The following CA10 variants were observed in gnomAD, a reference collection of about 807,000 sequenced individuals.
CA10 encodes the protein carbonic anhydrase-related protein 10.
Under a neutral mutation model 44.2 loss-of-function variants are expected in CA10, and 14 were observed. The observed-to-expected ratio is 0.32, with a 90% CI of 0.21 to 0.50. The LOEUF is 0.50. CA10 is among the 20% of genes least tolerant of loss of function. CA10 has a pLI of 0.99. For synonymous variants in CA10, 159 were observed against 141.6 expected, an observed-to-expected ratio of 1.12 and a Z score of -0.87; for missense variants, 350 against 409.7, an observed-to-expected ratio of 0.85 and a Z score of 1.26.
At chr17:51,782,190 T>C (rs1906089491) in intron 3 of CA10, among the ~76,000 whole-genome samples, 1 of 152,270 alleles carries the variant, frequency 6.6e-6, no homozygotes, top group South Asian at 2.1e-4. Flanking sequence ...GTCATCTGAA[T>C]ACTCCAAAGA....
chr17:52,080,789 T>A (rs1263267607), intron 1 of CA10, among the ~76,000 whole-genome samples: 2 of 152,128 alleles, frequency 1.3e-5, no homozygotes, highest in East Asian at 3.9e-4. Flanking sequence ...TCTCAAAGCC[T>A]CTCCAATTTA....
At chr17:51,762,518 T>C (rs1318509096) in intron 3 of CA10, 3 of 152,090 alleles carry the variant, frequency 2.0e-5, no homozygotes, top group Non-Finnish European at 4.4e-5. Context: ...GGAGTGGCAA[T>C]TGTCATGAGT....
At chr17:52,140,672 C>T (rs1328008018) in intron 1 of CA10, among the ~76,000 whole-genome samples, 1 of 152,138 alleles carries the variant, frequency 6.6e-6, no homozygotes, top group Non-Finnish European at 1.5e-5. Context: ...TGTTACGCAG[C>T]GTTATGAAAT....
At chr17:52,157,646 G>T (rs2143431529) in intron 1 of CA10, 80 bp downstream of exon 1, 2 of 1,296,678 alleles carry the variant, frequency 1.5e-6, no homozygotes, top group Non-Finnish European at 2.2e-6. Flanking sequence ...CTGCCCCGCG[G>T]CTATATACAA....
chr17:51,926,817 C>G (rs934666921), intron 3 of CA10, among the ~76,000 whole-genome samples: 2 of 152,116 alleles, frequency 1.3e-5, no homozygotes, highest in African/African-American at 4.8e-5. Flanking sequence ...TTCAAGATAC[C>G]TTCTGCTATG....
rs1567854544 is a variant in CA10 at position 51,831,686 on chromosome 17, A to AGCGGCG, written c.280-83869_280-83868insCGCCGC. 1.8e-4 allele frequency among the ~76,000 whole-genome samples: 14 copies of AGCGGCG among 75,886 alleles called. 1 individual carries two copies. Among genetic ancestry groups the AGCGGCG allele is most frequent in the Non-Finnish European group, 3.8e-4 (12 of 31,926 alleles). 49.8% of individuals were successfully genotyped at this position (75,886 alleles called of 152,430 possible). ...AAGAAAAAGCAGCAGCAGCAGCAGC[A>AGCGGCG]GCAGCAGCAGCAGCAGCAGCAGCAG... On this transcript the variant is annotated intron_variant, in intron 3 of 8. Coordinates refer to ENST00000451037, the MANE Select transcript of CA10 (RefSeq NM_020178.5).
intron 4 of CA10, among the ~76,000 whole-genome samples, chr17:51,712,674 T>A (rs952687200): frequency 7.2e-5 from 11 of 152,224 alleles, no homozygotes; most frequent in African/African-American, 2.4e-4. Flanking sequence ...AGAATGAGCA[T>A]CTCATTGTTT....
At chr17:51,754,101 C>T (rs753397510) in intron 3 of CA10, among the ~76,000 whole-genome samples, 1 of 152,008 alleles carries the variant, frequency 6.6e-6, no homozygotes, top group Non-Finnish European at 1.5e-5. Flanking sequence ...GCCTCGGCCT[C>T]CCAAAGTGCT....
chr17:51,834,455 C>T (rs1001317814), intron 3 of CA10, among the ~76,000 whole-genome samples: 5 of 152,210 alleles, frequency 3.3e-5, no homozygotes, highest in Admixed American at 2.6e-4. Context: ...ATGGCAATTA[C>T]TTAGAAGAAA....
At chr17:51,764,994 C>T (rs1905320719) in intron 3 of CA10, among the ~76,000 whole-genome samples, 1 of 152,160 alleles carries the variant, frequency 6.6e-6, no homozygotes, top group Admixed American at 6.5e-5. Context: ...GTTGTGTGAA[C>T]AGTTTTAAAT....
Position 51,631,757 on chromosome 17 carries a change from C to A in CA10, c.965-151G>T, listed in dbSNP as rs994833585. On this transcript the variant is annotated intron_variant, in intron 8 of 8. Transcript: ENST00000451037. ...TTACTTATATGCATTCCAACTACTC[C>A]CTTCCAATTCTCCATGACCTTCTAG... 9 of 686,014 alleles carry A rather than the reference C, an allele frequency of 1.3e-5. No individual in the cohort carries two copies. The African/African-American group carries it at 1.4e-4, about 11-fold the overall frequency. The allele number at this position is 686,014 out of a possible 1,614,324, so 42.5% of individuals were successfully genotyped here. A position where few individuals can be genotyped will look rare whatever the true frequency, so the allele number is the denominator to read the frequency against.
Position 51,764,379 on chromosome 17 carries a change from C to T in CA10, c.280-16561G>A, listed in dbSNP as rs745728392. ...CTTCCTTAACTTAAGCGTAATAACACATAAACATAGCTTTGTAATTATCTG... is the reference window on the plus strand; with the variant it reads ...CTTCCTTAACTTAAGCGTAATAACATATAAACATAGCTTTGTAATTATCTG... On this transcript the variant is annotated intron_variant, in intron 3 of 8. Coordinates refer to ENST00000451037, the MANE Select transcript of CA10 (RefSeq NM_020178.5). Among the ~76,000 whole-genome samples, 5 of 152,306 alleles carry T rather than the reference C, an allele frequency of 3.3e-5. No individual in the cohort carries two copies. The South Asian group carries it at 1.0e-3, about 32-fold the overall frequency.
At chr17:51,895,639 G>T (rs552404778) in intron 3 of CA10, among the ~76,000 whole-genome samples, 1 of 152,078 alleles carries the variant, frequency 6.6e-6, no homozygotes, top group Admixed American at 6.6e-5. Context: ...AACAGAAGAG[G>T]CACAAAGTAA....
intron 3 of CA10, among the ~76,000 whole-genome samples, chr17:51,892,580 T>A (rs769347370): frequency 2.6e-5 from 4 of 152,154 alleles, no homozygotes; most frequent in Admixed American, 6.6e-5. Context: ...AATGAGATAA[T>A]CTTGTTATGG....
chr17:52,101,203 A>G (rs1988531695), intron 1 of CA10, among the ~76,000 whole-genome samples: 1 of 152,208 alleles, frequency 6.6e-6, no homozygotes, highest in Admixed American at 6.5e-5. Flanking sequence ...CAACCCAGCC[A>G]CTAGGTGAGA....
In CA10 at chr17:52,139,708, T is replaced by C. The variant is rs1026924783; in HGVS notation, c.61+18018A>G. Among the ~76,000 whole-genome samples, 6 of 152,248 alleles carry C rather than the reference T, an allele frequency of 3.9e-5. No individual in the cohort carries two copies. The South Asian group carries it at 1.2e-3, about 32-fold the overall frequency. On this transcript the variant is annotated intron_variant, in intron 1 of 8. Coordinates refer to ENST00000451037, the MANE Select transcript of CA10 (RefSeq NM_020178.5). ...GACTCTGGATTCAGACAGGTCCACA[T>C]TCAAATCTTAGCTTACATCTTAACA...
At chr17:51,907,696 G>T (rs183029339) in intron 3 of CA10, among the ~76,000 whole-genome samples, 81 of 152,156 alleles carry the variant, frequency 5.3e-4, no homozygotes, top group Non-Finnish European at 8.4e-4. Context: ...TAAAGATGAG[G>T]GTTCCCTCGC....
chr17:51,749,837 A>G (rs1024427852), intron 3 of CA10, among the ~76,000 whole-genome samples: 10 of 152,186 alleles, frequency 6.6e-5, no homozygotes, highest in Admixed American at 2.6e-4. Context: ...GGGAATGGGG[A>G]GAATAACTAC....
intron 3 of CA10, among the ~76,000 whole-genome samples, chr17:51,863,393 T>C (rs1979401967): frequency 6.6e-6 from 1 of 152,216 alleles, no homozygotes; most frequent in Admixed American, 6.5e-5. Context: ...ATGAGTTAGA[T>C]GGCACGGACC....
Sources: gnomAD v4.1 joint callset for allele counts (sites outside exome capture counted in the v4.1 genomes callset) on GRCh38, gnomAD v4.1.1 for gene constraint, MANE v1.5 for transcripts, NCBI Gene and HGNC (gene_info 2026-07-23, HGNC 2026-07-21) for gene names.